MRTFA: variants seen among roughly 807,000 people sequenced by gnomAD.
MRTFA encodes the protein myocardin-related transcription factor A.
MRTFA carries 20 observed loss-of-function variants against 83.5 expected under a neutral mutation model. The observed-to-expected ratio is 0.24, with a 90% CI of 0.17 to 0.35. The LOEUF is 0.35. MRTFA is among the 10% of genes least tolerant of loss of function. The probability of loss-of-function intolerance (pLI) is 1.00; values close to 1 mark genes in which losing one functional copy is unlikely to be tolerated. For synonymous variants in MRTFA, 659 were observed against 541.2 expected (o/e 1.22, Z -3.02); for missense variants, 1,200 against 1,224.7 (o/e 0.98, Z 0.30).
chr22:40,625,723 G>A (rs2056574831), intron 1 of MRTFA, among the ~76,000 whole-genome samples: 2 of 152,088 alleles, frequency 1.3e-5, no homozygotes, highest in South Asian at 2.1e-4. Context: ...AGATTGCAGT[G>A]AGCCAAGATT....
chr22:40,511,083 AAGT>A (rs2054659666), intron 3 of MRTFA, among the ~76,000 whole-genome samples: 1 of 152,196 alleles, frequency 6.6e-6, no homozygotes, highest in South Asian at 2.1e-4. Context: ...TAGTTAGCGA[AAGT>A]ATCTTGGCAG....
In MRTFA at chr22:40,420,410, T is replaced by C; in HGVS notation, c.1348A>G (p.Met450Val). The change falls in exon 11 of 15, where the codon ATG becomes GTG. Residue 450 changes from methionine to valine, a missense_variant. Physicochemically the swap from Met to Val is conservative, Grantham distance 21 (BLOSUM62 1). This residue lies in a region of MRTFA where 1,107 missense variants were observed against 1,041.8 expected (regional missense o/e 1.06). Coordinates refer to ENST00000355630, the MANE Select transcript of MRTFA (RefSeq NM_020831.6). Reference sequence around the variant, plus strand: ...GTTTTCCAGTGGCCATGTACCTTCATGTCGTCCAGGTTGGCCGGCAGGGCT... The same window carrying C: ...GTTTTCCAGTGGCCATGTACCTTCACGTCGTCCAGGTTGGCCGGCAGGGCT... 2 of 1,613,228 alleles carry C rather than the reference T, an allele frequency of 1.2e-6. No homozygotes were observed. The highest frequency in any genetic ancestry group is 1.7e-6 in the Non-Finnish European group (2 of 1,179,768).
chr22:40,595,464 A>G (rs1464858717), intron 1 of MRTFA, among the ~76,000 whole-genome samples: 2 of 152,110 alleles, frequency 1.3e-5, no homozygotes, highest in African/African-American at 4.8e-5. Context: ...CTACCACCGT[A>G]GGTGGGTTAT....
chr22:40,513,958 A>G (rs1292972343), intron 3 of MRTFA, among the ~76,000 whole-genome samples: 1 of 150,686 alleles, frequency 6.6e-6, no homozygotes, highest in Non-Finnish European at 1.5e-5. Context: ...TTTTTTTTTT[A>G]AGTTAAAAAG....
chr22:40,469,961 C>A (rs1179881350), intron 3 of MRTFA, among the ~76,000 whole-genome samples: 1 of 151,724 alleles, frequency 6.6e-6, no homozygotes, highest in Non-Finnish European at 1.5e-5. Flanking sequence ...CAGTGGCTCA[C>A]GCCTGTAATC....
chr22:40,581,935 T>G (rs2055952904), intron 2 of MRTFA, among the ~76,000 whole-genome samples: 1 of 152,186 alleles, frequency 6.6e-6, no homozygotes, highest in African/African-American at 2.4e-5. Context: ...ATTCACATAC[T>G]ATAAAATTCG....
At chr22:40,510,597 AATT>A (rs2054651328) in intron 3 of MRTFA, among the ~76,000 whole-genome samples, 1 of 152,180 alleles carries the variant, frequency 6.6e-6, no homozygotes, top group South Asian at 2.1e-4. Context: ...ATTAAATAAA[AATT>A]ATTATGTACC....
chr22:40,554,007 C>T (rs1479505422), intron 2 of MRTFA, among the ~76,000 whole-genome samples: 1 of 152,200 alleles, frequency 6.6e-6, no homozygotes, highest in Non-Finnish European at 1.5e-5. Context: ...CTGACTGCCC[C>T]ACTGGATTCT....
chr22:40,594,946 T>C (rs73169057), intron 1 of MRTFA, among the ~76,000 whole-genome samples: 13,048 of 149,942 alleles, frequency 0.087, 736 homozygotes, highest in East Asian at 0.24. Context: ...GTAACACTGA[T>C]TGGGCACTTC....
chr22:40,505,899 A>T (rs565298437), intron 3 of MRTFA, among the ~76,000 whole-genome samples: 10 of 152,322 alleles, frequency 6.6e-5, no homozygotes, highest in African/African-American at 2.4e-4. Context: ...ATGAACTAAG[A>T]CAATTATAAA....
intron 3 of MRTFA, among the ~76,000 whole-genome samples, chr22:40,468,705 C>T (rs2053851288): frequency 6.6e-6 from 1 of 152,164 alleles, no homozygotes; most frequent in African/African-American, 2.4e-5. Context: ...TATATGCCAG[C>T]CAAAACAGTG....
At chr22:40,430,891 G>GAA (rs78240270) in intron 6 of MRTFA, among the ~76,000 whole-genome samples, 1 of 137,204 alleles carries the variant, frequency 7.3e-6, no homozygotes, top group African/African-American at 2.7e-5. Flanking sequence ...AGCGGGGGAA[G>GAA]AAAAAAAAAA....
intron 3 of MRTFA, among the ~76,000 whole-genome samples, chr22:40,515,324 A>T (rs946105555): frequency 3.3e-5 from 5 of 152,204 alleles, no homozygotes; most frequent in Non-Finnish European, 7.3e-5. Context: ...AATAAAAATA[A>T]GACACCTGCC....
chr22:40,616,483 A>G (rs941876040), intron 1 of MRTFA, among the ~76,000 whole-genome samples: 3 of 152,230 alleles, frequency 2.0e-5, no homozygotes, highest in Non-Finnish European at 2.9e-5. Flanking sequence ...TTAACTGGAA[A>G]TAGGGTGGCT....
chr22:40,606,654 A>C (rs1214223359), intron 1 of MRTFA, among the ~76,000 whole-genome samples: 1 of 152,210 alleles, frequency 6.6e-6, no homozygotes, highest in Non-Finnish European at 1.5e-5. Flanking sequence ...GTGTGTGTGC[A>C]TGTGTATATG....
At chr22:40,490,549 G>T (rs959124587) in intron 3 of MRTFA, among the ~76,000 whole-genome samples, 1 of 151,260 alleles carries the variant, frequency 6.6e-6, no homozygotes, top group East Asian at 1.9e-4. Context: ...CAGTGAGCAG[G>T]GATTGCGCCA....
Position 40,623,141 on chromosome 22 carries a change from T to C in MRTFA, c.-84+13337A>G, listed in dbSNP as rs117260311. ...GGACTGGATACCAGATTAGAGAGAG[T>C]TAGAAAGTCCAGAGTACTATGTTCT... On this transcript the variant is annotated intron_variant, in intron 1 of 14. Transcript: ENST00000355630. Among the ~76,000 whole-genome samples, 66 of 152,256 alleles carry C rather than the reference T, an allele frequency of 4.3e-4. 2 individuals carry two copies. The East Asian group carries it at 0.013, about 29-fold the overall frequency.
chr22:40,545,100 T>G (rs967102369), intron 3 of MRTFA, among the ~76,000 whole-genome samples: 3 of 152,066 alleles, frequency 2.0e-5, no homozygotes, highest in African/African-American at 7.2e-5. Context: ...GATATACTGA[T>G]TCAATGGATG....
intron 4 of MRTFA, among the ~76,000 whole-genome samples, chr22:40,455,356 T>A (rs1302707266): frequency 6.6e-6 from 1 of 151,628 alleles, no homozygotes; most frequent in Non-Finnish European, 1.5e-5. Flanking sequence ...GGAGAAAAGA[T>A]CCCATGGCGG....
Sources: gnomAD v4.1 joint callset for allele counts (sites outside exome capture counted in the v4.1 genomes callset) on GRCh38, gnomAD v4.1.1 for gene constraint, gnomAD v4.1.1 regional missense constraint, MANE v1.5 for transcripts, NCBI Gene and HGNC (gene_info 2026-07-23, HGNC 2026-07-21) for gene names.